PXT1: variants seen among roughly 807,000 people sequenced by gnomAD.
PXT1 encodes peroxisomal testis-specific protein 1.
Under a neutral mutation model 11.0 loss-of-function variants are expected in PXT1, and 11 were observed. That is an observed-to-expected ratio of 1.00 (90% CI 0.63 to 1.66). The LOEUF (loss-of-function observed/expected upper bound fraction) is 1.66. PXT1 is among the 40% of genes most tolerant of loss of function. The pLI is 0.00. For missense variants in PXT1, 141 were observed against 155.5 expected (o/e 0.91, Z 0.49); for synonymous variants, 43 against 51.4 (o/e 0.84, Z 0.70).
rs113515521 is a variant in PXT1, at chr6:36,426,574, C to T, written c.-9-483G>A. Among the ~76,000 whole-genome samples the T allele has an allele frequency of 1.1e-4, 16 of 151,886 alleles. No homozygotes were observed. The East Asian group carries it at 2.7e-3, about 26-fold the overall frequency. On this transcript the variant is annotated intron_variant, in intron 2 of 4. Coordinates refer to ENST00000454782, the MANE Select transcript of PXT1 (RefSeq NM_152990.4). ...TAGTAGAAACAGGGTTTCACCATGT[C>T]GGCCAGGCTGGTCTCAAACTCCTGA...
intron 3 of PXT1, among the ~76,000 whole-genome samples, chr6:36,412,699 G>A (rs540873051): frequency 1.4e-4 from 21 of 148,382 alleles, no homozygotes; most frequent in Admixed American, 4.1e-4. Context: ...GGATTCAAGC[G>A]ATCCTTTCAT....
chr6:36,418,948 A>T (rs1246703650), intron 3 of PXT1, among the ~76,000 whole-genome samples: 1 of 152,210 alleles, frequency 6.6e-6, no homozygotes, highest in Non-Finnish European at 1.5e-5. Flanking sequence ...GCATTAATTC[A>T]CCACAGCCAA....
rs150213619 is a variant in PXT1 at position 36,391,780 on chromosome 6, T to C, written c.395A>G (p.His132Arg). 5.0e-6 allele frequency: 8 copies of C among 1,610,746 alleles called. No individual in the cohort carries two copies. The highest frequency in any genetic ancestry group is 1.3e-5 in the African/African-American group (1 of 74,760). The change falls in exon 5 of 5, where the codon CAT (histidine) becomes CGT (arginine). Residue 132 changes from histidine to arginine, a missense_variant. By Grantham distance (29) the His-to-Arg change is conservative. Coordinates refer to ENST00000454782, the MANE Select transcript of PXT1 (RefSeq NM_152990.4). The stretch of plus-strand genomic sequence containing the variant: ...ACCTTTACTTTCCTTTTACAGCAAA[T>C]GGTTGTTCCAGAAAAAATGCAGCAA... ...QVLLHFFWNNHLL is the reference protein window; with the variant it reads ...QVLLHFFWNNRLL
intron 3 of PXT1, among the ~76,000 whole-genome samples, chr6:36,402,516 G>T (rs577528930): frequency 4.6e-5 from 7 of 152,322 alleles, no homozygotes; most frequent in Non-Finnish European, 7.4e-5. Context: ...AACGAGGTTT[G>T]CACAGATGGG....
intron 2 of PXT1, among the ~76,000 whole-genome samples, chr6:36,429,199 G>A (rs1774653149): frequency 1.4e-5 from 2 of 144,990 alleles, no homozygotes; most frequent in African/African-American, 5.2e-5. Flanking sequence ...CCAGAAAATT[G>A]AGGCTGCAAT....
chr6:36,401,454 A>G (rs1774213343), intron 3 of PXT1, among the ~76,000 whole-genome samples: 2 of 152,058 alleles, frequency 1.3e-5, no homozygotes. Flanking sequence ...GTCTCTACAG[A>G]AAATTTAAAA....
chr6:36,414,156 T>TA (rs1361433867), intron 3 of PXT1, among the ~76,000 whole-genome samples: 1 of 66,296 alleles, frequency 1.5e-5, no homozygotes, highest in East Asian at 5.4e-4. Flanking sequence ...AAGACTAAAT[T>TA]AAGAAGAAAA....
chr6:36,440,096 T>A (rs934802629), intron 1 of PXT1, among the ~76,000 whole-genome samples: 1 of 151,536 alleles, frequency 6.6e-6, no homozygotes, highest in African/African-American at 2.4e-5. Flanking sequence ...AGACTCTGTC[T>A]CAGAAAACAA....
At chr6:36,430,890 C>T (rs1188898529) in intron 2 of PXT1, among the ~76,000 whole-genome samples, 3 of 152,180 alleles carry the variant, frequency 2.0e-5, no homozygotes, top group Non-Finnish European at 4.4e-5. Context: ...TCTTGGCTCA[C>T]TGCAACTTCC....
chr6:36,439,904 C>T (rs1015416258), intron 1 of PXT1, among the ~76,000 whole-genome samples: 5 of 152,110 alleles, frequency 3.3e-5, no homozygotes, highest in Admixed American at 2.6e-4. Flanking sequence ...ATTCTGAGAC[C>T]AGCCTGGGCA....
chr6:36,428,760 G>A (rs1385413361), intron 2 of PXT1, among the ~76,000 whole-genome samples: 1 of 110,904 alleles, frequency 9.0e-6, no homozygotes. Context: ...TTTTTTTTTT[G>A]AGACGGAGTC....
chr6:36,411,224 T>C lies in PXT1; in HGVS notation c.170-10640A>G, dbSNP rs138243288. Among the ~76,000 whole-genome samples the C allele has an allele frequency of 8.3e-3, 1,255 of 151,782 alleles. 16 individuals carry two copies. Among genetic ancestry groups the C allele is most frequent in the African/African-American group, 0.029 (1,199 of 41,398 alleles). On this transcript the variant is annotated intron_variant, in intron 3 of 4. Transcript: ENST00000454782. ...CAGCATTTTGGGAGGCCAAGGTGGGTGGATCACCTGAGGTCAGGAGTTCGA... is the reference window on the plus strand; with the variant it reads ...CAGCATTTTGGGAGGCCAAGGTGGGCGGATCACCTGAGGTCAGGAGTTCGA...
rs978798118 is a variant in PXT1, at chr6:36,407,921, C to T, written c.170-7337G>A. ...GCTGGGACTTCAACATGTGTCGCTA[C>T]CAAGCCCAGCTGGTTAATCCTTTTT... is the stretch of plus-strand genomic sequence containing the variant. On this transcript the variant is annotated intron_variant, in intron 3 of 4. Coordinates refer to ENST00000454782, the MANE Select transcript of PXT1 (RefSeq NM_152990.4). Among the ~76,000 whole-genome samples, 6 of 151,668 alleles carry T rather than the reference C, an allele frequency of 4.0e-5. No homozygotes were observed. The East Asian group carries it at 1.2e-3, about 29-fold the overall frequency.
intron 2 of PXT1, among the ~76,000 whole-genome samples, chr6:36,429,503 C>CT (rs1774658180): frequency 3.8e-5 from 4 of 104,226 alleles, no homozygotes; most frequent in East Asian, 3.2e-4. Context: ...TTCTTTTTTT[C>CT]TTTTCTTTTT....
intron 3 of PXT1, among the ~76,000 whole-genome samples, chr6:36,406,756 G>A (rs36114222): frequency 0.017 from 2,587 of 151,628 alleles, 38 homozygotes; most frequent in Non-Finnish European, 0.026. Context: ...GGTCGCAGTG[G>A]GCCAAGATGG....
chr6:36,402,943 C>T (rs1774234207), intron 3 of PXT1, among the ~76,000 whole-genome samples: 2 of 117,060 alleles, frequency 1.7e-5, no homozygotes, highest in East Asian at 2.7e-4. Context: ...TCTTTTCTTT[C>T]TTTCTTTCTT....
intron 4 of PXT1, 77 bp from the exon 5 acceptor site, chr6:36,391,951 T>C (rs1307144004): frequency 1.1e-6 from 1 of 920,462 alleles, no homozygotes; most frequent in African/African-American, 1.7e-5. Flanking sequence ...AAGTTAAAAA[T>C]TCAACACAAT....
At position 36,440,576 on chromosome 6, in the gene PXT1, C is replaced by CA. The variant is rs78313648; in HGVS notation, c.-129-1691dup. Among the ~76,000 whole-genome samples, 300 of 113,912 alleles carry CA rather than the reference C, an allele frequency of 2.6e-3. 8 individuals are homozygous for CA. The East Asian group carries it at 0.032, about 12-fold the overall frequency. 74.7% of individuals were successfully genotyped at this position (113,912 alleles called of 152,430 possible). A position where few individuals can be genotyped will look rare whatever the true frequency, so the allele number is the denominator to read the frequency against. On this transcript the variant is annotated intron_variant, in intron 1 of 4. Transcript: ENST00000454782. ...TGAGCAACAAAGGGAGACACTGTCT[C>CA]AAAAAAAAAAAAAGAAGAAGGTTTT...
chr6:36,396,995 G>A (rs1159624677), intron 4 of PXT1, among the ~76,000 whole-genome samples: 1 of 152,064 alleles, frequency 6.6e-6, no homozygotes, highest in Non-Finnish European at 1.5e-5. Context: ...TCTCTCCAGG[G>A]CCTCCTCTCT....
Sources: gnomAD v4.1 joint callset for allele counts (sites outside exome capture counted in the v4.1 genomes callset) on GRCh38, gnomAD v4.1.1 for gene constraint, MANE v1.5 for transcripts, NCBI Gene and HGNC (gene_info 2026-07-23, HGNC 2026-07-21) for gene names.